Variants in CRB1 observed in about 807,000 individuals in gnomAD.
CRB1 encodes crumbs cell polarity complex component 1, also known as protein crumbs homolog 1.
A neutral mutation model predicts 120.0 loss-of-function variants in CRB1; 83 were observed. The ratio of observed to expected loss-of-function variants is 0.69; its 90% CI spans 0.58 to 0.83. CRB1 has a LOEUF of 0.83. Ranked by LOEUF, CRB1 falls within the 40% of genes least tolerant of loss-of-function variation. The probability of loss-of-function intolerance (pLI) is 0.00; values close to 1 mark genes in which losing one functional copy is unlikely to be tolerated. For synonymous variants in CRB1, 625 were observed against 612.5 expected, an observed-to-expected ratio of 1.02 and a Z score of -0.30; for missense variants, 1,699 against 1,687.6, an observed-to-expected ratio of 1.01 and a Z score of -0.12.
chr1:197,269,513 A>G (rs1391508501), intron 1 of CRB1, among the ~76,000 whole-genome samples: 2 of 152,190 alleles, frequency 1.3e-5, no homozygotes, highest in African/African-American at 2.4e-5. Context: ...GCACACTCAC[A>G]AAAGATTTTT....
intron 5 of CRB1, among the ~76,000 whole-genome samples, chr1:197,419,711 A>T (rs1021076888): frequency 1.3e-4 from 19 of 151,426 alleles, no homozygotes; most frequent in African/African-American, 4.1e-4. Context: ...GTGGTGGCTC[A>T]CACCTGTAAT....
chr1:197,288,357 A>T (rs1340488483), intron 1 of CRB1, among the ~76,000 whole-genome samples: 2 of 151,824 alleles, frequency 1.3e-5, no homozygotes, highest in African/African-American at 4.8e-5. Flanking sequence ...GGTAGTTACA[A>T]ATATTCTCCT....
chr1:197,313,007 G>A (rs1040487771), intron 1 of CRB1, among the ~76,000 whole-genome samples: 3 of 152,178 alleles, frequency 2.0e-5, no homozygotes, highest in African/African-American at 7.2e-5. Context: ...ACTTATGAAG[G>A]AAAGAGGTTT....
intron 5 of CRB1, among the ~76,000 whole-genome samples, chr1:197,361,192 TTC>T (rs1239185454): frequency 2.6e-5 from 4 of 151,914 alleles, no homozygotes; most frequent in African/African-American, 9.7e-5. Flanking sequence ...ATAGTTTTCT[TTC>T]TCTCTCTTTT....
intron 2 of CRB1, among the ~76,000 whole-genome samples, chr1:197,332,608 C>T (rs1458535114): frequency 6.6e-6 from 1 of 152,084 alleles, no homozygotes; most frequent in Non-Finnish European, 1.5e-5. Flanking sequence ...GTAGAATGGC[C>T]TGTGTTCTAG....
intron 1 of CRB1, among the ~76,000 whole-genome samples, chr1:197,281,505 G>A (rs1378243979): frequency 1.3e-5 from 2 of 151,774 alleles, no homozygotes; most frequent in Non-Finnish European, 2.9e-5. Context: ...GTGCCATGAA[G>A]GGGGGTTGAA....
intron 5 of CRB1, among the ~76,000 whole-genome samples, chr1:197,389,796 A>G (rs1342406849): frequency 6.6e-6 from 1 of 152,088 alleles, no homozygotes; most frequent in Non-Finnish European, 1.5e-5. Context: ...CATGTCTTCA[A>G]TCTTTTTATG....
At chr1:197,209,783 G>A in the CRB1 span, among the ~76,000 whole-genome samples, 33 of 152,218 alleles carry the variant, frequency 2.2e-4, no homozygotes, top group African/African-American at 7.5e-4. Flanking sequence ...CCTGTATTTC[G>A]CTCAGCTCTC....
intron 4 of CRB1, among the ~76,000 whole-genome samples, chr1:197,353,983 C>A: frequency 7.4e-6 from 1 of 135,282 alleles, no homozygotes; most frequent in African/African-American, 2.8e-5. Context: ...ATATGGAAAA[C>A]AACCTAATGA....
the CRB1 span, among the ~76,000 whole-genome samples, chr1:197,233,775 C>T: frequency 6.6e-4 from 100 of 152,350 alleles, 1 homozygote; most frequent in South Asian, 6.0e-3. Context: ...CGACCATGCT[C>T]TTCTCAGGGC....
At chr1:197,326,933 A>G (rs574021489) in intron 1 of CRB1, among the ~76,000 whole-genome samples, 9 of 151,736 alleles carry the variant, frequency 5.9e-5, no homozygotes, top group African/African-American at 1.9e-4. Flanking sequence ...TACCTTTTTA[A>G]TTATTTTTAT....
intron 5 of CRB1, among the ~76,000 whole-genome samples, chr1:197,401,217 T>A (rs1219547436): frequency 6.6e-6 from 1 of 152,132 alleles, no homozygotes; most frequent in Non-Finnish European, 1.5e-5. Flanking sequence ...ATTGGTGTTT[T>A]AAAAATAATT....
At chr1:197,428,917 A>G in intron 7 of CRB1, 1 of 1,497,368 alleles carries the variant, frequency 6.7e-7, no homozygotes, top group South Asian at 1.3e-5. Context: ...CATTTTGAAT[A>G]CTTTTTGTGA....
Position 197,442,187 on chromosome 1 carries a change from G to A in CRB1, c.3900G>A (p.Glu1300=). The change falls in exon 11 of 12, where the codon GAG becomes GAA. Residue 1300 remains glutamate (E), a synonymous_variant. Coordinates refer to ENST00000367400, the MANE Select transcript of CRB1 (RefSeq NM_201253.3). ...GAAGGTGTGAAAAGGACATTGATGAGTGTGCCTCTGATCCGTGTGTCAATG... is the reference window on the plus strand; with the variant it reads ...GAAGGTGTGAAAAGGACATTGATGAATGTGCCTCTGATCCGTGTGTCAATG... ...TGEWCEKDID[E]CASDPCVNGG... 6.2e-7 allele frequency: 1 copy of A among 1,614,162 alleles called. No individual in the cohort carries two copies. The highest frequency in any genetic ancestry group is 1.1e-5 in the South Asian group (1 of 91,082).
At chr1:197,345,502 CTTTTTTTTTTTTT>C (rs972072957) in intron 3 of CRB1, among the ~76,000 whole-genome samples, 1 of 90,612 alleles carries the variant, frequency 1.1e-5, no homozygotes, top group Non-Finnish European at 2.1e-5. Context: ...AAAATAATGA[CTTTTTTTTTTTTT>C]TTTTTTTTTT....
At chr1:197,351,456 A>T (rs184670822) in intron 4 of CRB1, among the ~76,000 whole-genome samples, 44 of 152,204 alleles carry the variant, frequency 2.9e-4, no homozygotes, top group African/African-American at 1.0e-3. Flanking sequence ...GATTGCAAAA[A>T]TACTGGACTG....
At chr1:197,321,855 A>G (rs1658215945) in intron 1 of CRB1, among the ~76,000 whole-genome samples, 1 of 152,222 alleles carries the variant, frequency 6.6e-6, no homozygotes, top group Non-Finnish European at 1.5e-5. Flanking sequence ...TGGACTTCTA[A>G]CAATTTGAAT....
intron 1 of CRB1, among the ~76,000 whole-genome samples, chr1:197,281,724 T>C (rs1445050579): frequency 6.6e-6 from 1 of 151,824 alleles, no homozygotes. Context: ...GAGAAATGGG[T>C]GAGAGCAAAA....
intron 1 of CRB1, among the ~76,000 whole-genome samples, chr1:197,327,161 A>C (rs1201841798): frequency 6.7e-6 from 1 of 148,650 alleles, no homozygotes; most frequent in Non-Finnish European, 1.5e-5. Flanking sequence ...GAGGCAGAGC[A>C]GGCCTGGTAC....
Sources: gnomAD v4.1 joint callset for allele counts (sites outside exome capture counted in the v4.1 genomes callset) on GRCh38, gnomAD v4.1.1 for gene constraint, MANE v1.5 for transcripts, NCBI Gene and HGNC (gene_info 2026-07-23, HGNC 2026-07-21) for gene names.